The following FOXN3 variants were observed in gnomAD, a reference collection of about 807,000 sequenced individuals.
The protein encoded by FOXN3 is forkhead box protein N3.
FOXN3 carries 7 observed loss-of-function variants against 38.4 expected under a neutral mutation model. That is an observed-to-expected ratio of 0.18 (90% CI 0.10 to 0.34). FOXN3 has a LOEUF of 0.34. Ranked by LOEUF, FOXN3 falls within the 10% of genes least tolerant of loss-of-function variation. The probability of loss-of-function intolerance (pLI) is 1.00; values close to 1 mark genes in which losing one functional copy is unlikely to be tolerated. For missense variants in FOXN3, 456 were observed against 613.4 expected, an observed-to-expected ratio of 0.74 and a Z score of 2.71; for synonymous variants, 230 against 242.2, an observed-to-expected ratio of 0.95 and a Z score of 0.47.
intron 1 of FOXN3, among the ~76,000 whole-genome samples, chr14:89,449,626 C>T (rs933068175): frequency 2.0e-5 from 3 of 152,230 alleles, no homozygotes; most frequent in Non-Finnish European, 4.4e-5. Flanking sequence ...GCCAAGGTGA[C>T]ATTTGGAATT....
At chr14:89,258,284 C>A (rs1050646109) in intron 4 of FOXN3, among the ~76,000 whole-genome samples, 2 of 152,178 alleles carry the variant, frequency 1.3e-5, no homozygotes, top group African/African-American at 2.4e-5. Context: ...TATATTATTT[C>A]AACCCCCTGG....
intron 4 of FOXN3, among the ~76,000 whole-genome samples, chr14:89,224,617 A>G (rs1884573222): frequency 6.6e-6 from 1 of 152,228 alleles, no homozygotes; most frequent in Admixed American, 6.5e-5. Flanking sequence ...TCTAACAATC[A>G]TCTGGTAGGA....
At chr14:89,278,122 A>G (rs1886351878) in intron 4 of FOXN3, among the ~76,000 whole-genome samples, 1 of 152,190 alleles carries the variant, frequency 6.6e-6, no homozygotes, top group African/African-American at 2.4e-5. Context: ...AGACTGGGTA[A>G]TTTATAAAGA....
intron 2 of FOXN3, among the ~76,000 whole-genome samples, chr14:89,377,963 C>T (rs986694916): frequency 3.3e-5 from 5 of 152,276 alleles, no homozygotes; most frequent in South Asian, 2.1e-4. Flanking sequence ...GGAAGGCGGC[C>T]GTCTGCAAGC....
chr14:89,284,594 A>G lies in FOXN3; in HGVS notation c.681-3580T>C, dbSNP rs1033024135. ...GGCAAAGTCCCAGGCTAGAAAAAGC[A>G]ATCAGACTAACCATATGTGAAAGAC... On this transcript the variant is annotated intron_variant, in intron 3 of 5. Coordinates refer to ENST00000557258, the MANE Select transcript of FOXN3 (RefSeq NM_005197.4). 1.0e-4 allele frequency: 46 copies of G among 455,942 alleles called. 1 individual carries two copies. Among genetic ancestry groups the G allele is most frequent in the South Asian group, 6.7e-4 (43 of 64,570 alleles). The allele number at this position is 455,942 out of a possible 1,614,324, so 28.2% of individuals were successfully genotyped here. A position where few individuals can be genotyped will look rare whatever the true frequency, so the allele number is the denominator to read the frequency against.
intron 3 of FOXN3, among the ~76,000 whole-genome samples, chr14:89,332,332 T>C (rs905814900): frequency 6.6e-6 from 1 of 152,170 alleles, no homozygotes; most frequent in Non-Finnish European, 1.5e-5. Context: ...ACAGACTTCA[T>C]CTTTTAAGAG....
chr14:89,201,736 C>T (rs1888241012), intron 4 of FOXN3, among the ~76,000 whole-genome samples: 1 of 152,272 alleles, frequency 6.6e-6, no homozygotes, highest in Non-Finnish European at 1.5e-5. Flanking sequence ...GTCATCTTCC[C>T]CAGTGATTGG....
chr14:89,444,007 C>CA (rs569571116), intron 1 of FOXN3, among the ~76,000 whole-genome samples: 30,921 of 67,332 alleles, frequency 0.46, 8,406 homozygotes, highest in Middle Eastern at 0.62. Context: ...GAAACTCTGT[C>CA]AAAAAAAAAA....
At chr14:89,350,136 G>C (rs1398643121) in intron 3 of FOXN3, 2 of 152,130 alleles carry the variant, frequency 1.3e-5, no homozygotes, top group African/African-American at 4.8e-5. Context: ...TCAAACAAAT[G>C]GGCATGTGAG....
chr14:89,574,829 A>G (rs1276926782), intron 1 of FOXN3, among the ~76,000 whole-genome samples: 39 of 152,252 alleles, frequency 2.6e-4, no homozygotes, highest in Non-Finnish European at 1.0e-4. Context: ...GGCTCCTCCA[A>G]TTCTTAAAAT....
rs1216002907 is a variant in FOXN3, at chr14:89,360,733, CCTCCAG to C, written c.544-9931_544-9926del. Among the ~76,000 whole-genome samples the C allele has an allele frequency of 6.7e-4, 93 of 139,324 alleles. 1 individual carries two copies. The highest frequency in any genetic ancestry group is 2.6e-3 in the Admixed American group (37 of 14,218). The allele number at this position is 139,324 out of a possible 152,430, so 91.4% of individuals were successfully genotyped here. ...TCCAGCACTACCTCCACCACCACCA[CCTCCAG>C]CACCACCTCCACCACCACCTCCACC... On this transcript the variant is annotated intron_variant, in intron 2 of 5. Coordinates refer to ENST00000557258, the MANE Select transcript of FOXN3 (RefSeq NM_005197.4).
chr14:89,473,449 G>A (rs1172943925), intron 1 of FOXN3, among the ~76,000 whole-genome samples: 2 of 148,558 alleles, frequency 1.3e-5, no homozygotes, highest in African/African-American at 2.5e-5. Context: ...CTGCAGCCTC[G>A]AACTTCTGTG....
intron 1 of FOXN3, among the ~76,000 whole-genome samples, chr14:89,607,542 G>C (rs922400893): frequency 6.8e-6 from 1 of 146,678 alleles, no homozygotes. Context: ...CTAGACGACA[G>C]AGCAAGACCG....
intron 1 of FOXN3, among the ~76,000 whole-genome samples, chr14:89,490,253 C>A (rs1466800904): frequency 6.6e-6 from 1 of 152,184 alleles, no homozygotes; most frequent in African/African-American, 2.4e-5. Context: ...CTCCTGGTTC[C>A]CCTGAGCTCA....
chr14:89,609,261 G>A (rs1896343949), intron 1 of FOXN3, among the ~76,000 whole-genome samples: 1 of 152,074 alleles, frequency 6.6e-6, no homozygotes, highest in Admixed American at 6.5e-5. Flanking sequence ...GAGTGTAGTG[G>A]CGCAATCATG....
intron 4 of FOXN3, among the ~76,000 whole-genome samples, chr14:89,196,408 G>C (rs1170776690): frequency 1.3e-5 from 2 of 152,168 alleles, no homozygotes; most frequent in African/African-American, 4.8e-5. Context: ...TGGGTCTGCT[G>C]ACTTTCCTTT....
At chr14:89,363,785 T>C (rs1331176980) in intron 2 of FOXN3, among the ~76,000 whole-genome samples, 1 of 151,592 alleles carries the variant, frequency 6.6e-6, no homozygotes, top group Non-Finnish European at 1.5e-5. Context: ...CTTCAAAATA[T>C]GTAAGGAAGG....
rs942268301 is a variant in FOXN3, at chr14:89,180,608, C to A, written c.851+93G>T. 4 of 854,450 alleles carry A rather than the reference C, an allele frequency of 4.7e-6. No individual in the cohort carries two copies. The African/African-American group carries it at 6.9e-5, about 15-fold the overall frequency. The allele number at this position is 854,450 out of a possible 1,614,324, so 52.9% of individuals were successfully genotyped here. ...GTTTATTGCTGTCACTAGTTCGAAGCAGCTCCTCTCTGTCTCCAGAAGGGA... is the reference window on the plus strand; with the variant it reads ...GTTTATTGCTGTCACTAGTTCGAAGAAGCTCCTCTCTGTCTCCAGAAGGGA... On this transcript the variant is annotated intron_variant, in intron 5 of 5. Coordinates refer to ENST00000557258, the MANE Select transcript of FOXN3 (RefSeq NM_005197.4).
chr14:89,566,052 A>G (rs1428752659), intron 1 of FOXN3, among the ~76,000 whole-genome samples: 1 of 152,206 alleles, frequency 6.6e-6, no homozygotes, highest in Non-Finnish European at 1.5e-5. Context: ...CCAGAATATC[A>G]CTTACTTTTC....
Sources: gnomAD v4.1 joint callset for allele counts (sites outside exome capture counted in the v4.1 genomes callset) on GRCh38, gnomAD v4.1.1 for gene constraint, MANE v1.5 for transcripts, NCBI Gene and HGNC (gene_info 2026-07-23, HGNC 2026-07-21) for gene names.